Variants in GET1 observed in about 807,000 individuals in gnomAD.
GET1 encodes the protein guided entry of tail-anchored proteins factor 1, also known as congenital heart disease 5 protein.
A neutral mutation model predicts 22.6 loss-of-function variants in GET1; 20 were observed. The observed-to-expected ratio is 0.89, with a 90% CI of 0.62 to 1.29. GET1 has a LOEUF of 1.29. Ranked by LOEUF, GET1 falls within the 50% of genes most tolerant of loss-of-function variation. The pLI is 0.00. For missense variants in GET1, 209 were observed against 219.9 expected, an observed-to-expected ratio of 0.95 and a Z score of 0.31; for synonymous variants, 92 against 83.8, an observed-to-expected ratio of 1.10 and a Z score of -0.53.
intron 4 of GET1, among the ~76,000 whole-genome samples, chr21:39,393,521 G>A (rs981034618): frequency 6.6e-6 from 1 of 152,140 alleles, no homozygotes; most frequent in African/African-American, 2.4e-5. Flanking sequence ...GTCTGTTTCC[G>A]GGATCCATGC....
At chr21:39,420,983 A>G in intron 1 of GET1, 1 of 558,424 alleles carries the variant, frequency 1.8e-6, no homozygotes, top group Non-Finnish European at 3.0e-6. Flanking sequence ...GGGGACATAT[A>G]TTGGAATGAA....
Position 39,385,319 on chromosome 21 carries a change from C to T in GET1, c.102+4833C>T, listed in dbSNP as rs181948137. ...CCCGCACTGGTCTCCCCCCTCCCCC[C>T]GCGTGAGGCCTTAGGAGGTCTGAAG... On this transcript the variant is annotated intron_variant, in intron 1 of 4. Coordinates refer to ENST00000649170, the MANE Select transcript of GET1 (RefSeq NM_004627.6). Among the ~76,000 whole-genome samples the T allele has an allele frequency of 9.2e-5, 14 of 152,278 alleles. No homozygotes were observed. In the Middle Eastern group the frequency reaches 0.017, roughly 185 times the overall value.
At chr21:39,410,604 A>G (rs1215331057), downstream of GET1, among the ~76,000 whole-genome samples, 1 of 152,258 alleles carries the variant, frequency 6.6e-6, no homozygotes, top group East Asian at 1.9e-4. Flanking sequence ...TTAGGATAAG[A>G]CATTGTTGCT....
chr21:39,393,056 T>C, intron 3 of GET1, 110 bp from the exon 4 acceptor site: 1 of 854,258 alleles, frequency 1.2e-6, no homozygotes, highest in Non-Finnish European at 1.9e-6. Context: ...CTTGAGGTGC[T>C]CAGTCTGGAG....
intron 1 of GET1, among the ~76,000 whole-genome samples, chr21:39,419,055 ATTTT>A (rs1189704130): frequency 6.6e-6 from 1 of 151,748 alleles, no homozygotes; most frequent in African/African-American, 2.4e-5. Flanking sequence ...CAAAGGGAAA[ATTTT>A]CTTTCTTTCA....
downstream of GET1, chr21:39,409,880 T>G: frequency 2.9e-6 from 2 of 686,278 alleles, no homozygotes; most frequent in South Asian, 3.8e-5. This position sits in a 1 kb window ranked among gnomAD's most constrained non-coding sequence, Gnocchi z 4.2. Flanking sequence ...AGGTGCGAGC[T>G]GCCATGCCCA....
Position 39,396,966 on chromosome 21 carries a change from C to T in GET1, c.*27C>T, listed in dbSNP as rs774791904. The T allele has an allele frequency of 4.4e-6, 7 of 1,608,908 alleles. No homozygotes were observed. Among genetic ancestry groups the T allele is most frequent in the Non-Finnish European group, 5.9e-6 (7 of 1,177,584 alleles). ...CAGGAGGATGGATACAGCCGCGAGG[C>T]TAAAAAACGGATTTCCTCTTCCTAG... is the stretch of plus-strand genomic sequence containing the variant. On this transcript the variant is annotated 3_prime_UTR_variant, in exon 5 of 5. Transcript: ENST00000649170.
At chr21:39,389,220 C>T (rs747640019) in intron 1 of GET1, among the ~76,000 whole-genome samples, 20 of 152,182 alleles carry the variant, frequency 1.3e-4, no homozygotes, top group Non-Finnish European at 2.6e-4. Context: ...GATTCACCTG[C>T]CTTGGCCTCC....
chr21:39,402,551 A>G (rs929204934), downstream of GET1, among the ~76,000 whole-genome samples: 2 of 152,184 alleles, frequency 1.3e-5, no homozygotes, highest in African/African-American at 4.8e-5. Flanking sequence ...TATTCGGCAA[A>G]TGCCCTTTAG....
At chr21:39,405,971 T>G (rs2039021814) in exon 5 of GET1, 2 of 1,614,200 alleles carry the variant, frequency 1.2e-6, no homozygotes, top group Non-Finnish European at 1.7e-6. Flanking sequence ...AAAGCATGGC[T>G]GGTGGAGGCC....
intron 1 of GET1, among the ~76,000 whole-genome samples, chr21:39,415,565 C>T (rs1208754613): frequency 6.6e-6 from 1 of 152,124 alleles, no homozygotes; most frequent in Non-Finnish European, 1.5e-5. Flanking sequence ...CTTTTAAAAC[C>T]TAACTGCAGT....
intron 1 of GET1, among the ~76,000 whole-genome samples, chr21:39,389,078 TCCTC>T (rs1175260957): frequency 6.6e-6 from 1 of 151,998 alleles, no homozygotes; most frequent in Non-Finnish European, 1.5e-5. Context: ...CTTCCTTCCT[TCCTC>T]CCTCCCTTCC....
At chr21:39,409,184 C>G (rs1054889017), downstream of GET1, among the ~76,000 whole-genome samples, 1 of 152,072 alleles carries the variant, frequency 6.6e-6, no homozygotes, top group Non-Finnish European at 1.5e-5. The surrounding 1 kb of genome is among the most constrained non-coding windows in gnomAD (Gnocchi z 4.2). Context: ...TCTCCTCGTG[C>G]GAGCACTAAG....
downstream of GET1, chr21:39,411,241 C>G (rs770325990): frequency 4.7e-6 from 1 of 211,034 alleles, no homozygotes; most frequent in Non-Finnish European, 9.6e-6. Context: ...GCAGGGGACA[C>G]GAGGAAACTT....
chr21:39,422,674 T>G (rs760261548), intron 1 of GET1: 48 of 444,592 alleles, frequency 1.1e-4, no homozygotes, highest in Non-Finnish European at 1.7e-4. Context: ...AGGGAAAAAG[T>G]CCCTTAGCAC....
At chr21:39,412,958 G>C (rs977235722) in intron 1 of GET1, among the ~76,000 whole-genome samples, 20 of 152,226 alleles carry the variant, frequency 1.3e-4, no homozygotes, top group Non-Finnish European at 1.5e-4. Context: ...TAAGGTTACA[G>C]ATCCAGGTGC....
intron 1 of GET1, chr21:39,387,967 C>T (rs776211818): frequency 2.0e-5 from 12 of 591,680 alleles, no homozygotes; most frequent in Non-Finnish European, 2.6e-5. Context: ...TCGAAACAAA[C>T]ACAAATGTGC....
chr21:39,402,390 C>T (rs899974716), downstream of GET1, among the ~76,000 whole-genome samples: 1 of 152,160 alleles, frequency 6.6e-6, no homozygotes, highest in African/African-American at 2.4e-5. Context: ...CAGTCTTGAG[C>T]CACCTGTAAA....
In GET1 at chr21:39,380,341, A is replaced by G. The variant is rs950780581; in HGVS notation, c.-44A>G. On this transcript the variant is annotated 5_prime_UTR_variant, in exon 1 of 5. An upstream start codon of the reference 5' UTR is lost. Coordinates refer to ENST00000649170, the MANE Select transcript of GET1 (RefSeq NM_004627.6). ...GGTCGCCGCTGTTGTTGTGGTCCCCATGGAGCTGCCGTAGCGGACCCAGCA... is the reference window on the plus strand; with the variant it reads ...GGTCGCCGCTGTTGTTGTGGTCCCCGTGGAGCTGCCGTAGCGGACCCAGCA... The G allele has an allele frequency of 3.2e-6, 5 of 1,562,282 alleles. No homozygotes were observed. Among genetic ancestry groups the G allele is most frequent in the South Asian group, 1.2e-5 (1 of 86,102 alleles).
Sources: allele counts gnomAD v4.1 joint callset (sites outside exome capture counted in the v4.1 genomes callset), GRCh38; gene constraint gnomAD v4.1.1; non-coding constraint Gnocchi (gnomAD v3.1); transcripts MANE v1.5; gene names NCBI Gene and HGNC (gene_info 2026-07-23, HGNC 2026-07-21).